ATXN2: variants seen among roughly 807,000 people sequenced by gnomAD.
ATXN2 encodes ataxin-2.
Under a neutral mutation model 138.6 loss-of-function variants are expected in ATXN2, and 37 were observed. That is an observed-to-expected ratio of 0.27 (90% confidence interval 0.21 to 0.35). ATXN2 has a LOEUF of 0.35. ATXN2 is among the 10% of genes least tolerant of loss of function. The probability of loss-of-function intolerance (pLI) is 1.00; values close to 1 mark genes in which losing one functional copy is unlikely to be tolerated. For synonymous variants in ATXN2, 549 were observed against 543.7 expected (o/e 1.01, Z -0.13); for missense variants, 1,216 against 1,480.3 (o/e 0.82, Z 2.93).
intron 5 of ATXN2, among the ~76,000 whole-genome samples, chr12:111,549,564 G>C (rs1460816807): frequency 6.6e-6 from 1 of 151,642 alleles, no homozygotes; most frequent in African/African-American, 2.4e-5. Context: ...AGGAAACCAT[G>C]CCAATTAATA....
chr12:111,454,783 A>G (rs1874938673), intron 23 of ATXN2: 2 of 459,110 alleles, frequency 4.4e-6, no homozygotes, highest in Admixed American at 3.4e-5. Context: ...CCCTTTCAGC[A>G]CAAAAACAGA....
intron 5 of ATXN2, among the ~76,000 whole-genome samples, chr12:111,541,368 T>G (rs1188194653): frequency 1.3e-4 from 8 of 63,422 alleles, no homozygotes; most frequent in Non-Finnish European, 2.5e-4. Context: ...TTTTTTTTTT[T>G]GAAACAGAGT....
chr12:111,533,833 C>CAT (rs1200441956), intron 5 of ATXN2, among the ~76,000 whole-genome samples: 1 of 152,062 alleles, frequency 6.6e-6, no homozygotes, highest in East Asian at 1.9e-4. Context: ...GCGTATTTCC[C>CAT]ATATATTTTG....
intron 7 of ATXN2, 34 bp from the exon 8 acceptor site, chr12:111,520,110 C>A: frequency 6.2e-7 from 1 of 1,600,226 alleles, no homozygotes; most frequent in South Asian, 1.1e-5. Flanking sequence ...CAAAATGAGT[C>A]CTTTAAAGCC....
chr12:111,514,402 C>G (rs1376931232), intron 10 of ATXN2, among the ~76,000 whole-genome samples: 1 of 152,186 alleles, frequency 6.6e-6, no homozygotes, highest in African/African-American at 2.4e-5. Flanking sequence ...ATCAGAGAAG[C>G]CTACTGGTGT....
Position 111,555,893 on chromosome 12 carries a change from G to C in ATXN2, c.278C>G (p.Pro93Arg). The change falls in exon 2 of 25, where the codon CCT (proline) becomes CGT (arginine). Residue 93 changes from proline to arginine, a missense_variant. Pro to Arg is a moderately radical substitution (Grantham distance 103, BLOSUM62 -2). Transcript: ENST00000673436. ...GRGRNSNKGL[P>R]QSTISFDGIY... The stretch of plus-strand genomic sequence containing the variant: ...ATTAAAGTTACTCACCGTAGACTGA[G>C]GCAGTCCTTTGTTACTGTTTCGACC... The C allele has an allele frequency of 1.2e-6, 2 of 1,603,654 alleles. No homozygotes were observed. The highest frequency in any genetic ancestry group is 1.7e-6 in the Non-Finnish European group (2 of 1,175,746).
chr12:111,507,314 C>T (rs1284056263), intron 14 of ATXN2, among the ~76,000 whole-genome samples: 3 of 151,522 alleles, frequency 2.0e-5, no homozygotes, highest in East Asian at 2.0e-4. Context: ...TGCCCGGCCG[C>T]GACCCCGTCT....
chr12:111,556,941 G>A (rs1446021133), intron 1 of ATXN2, among the ~76,000 whole-genome samples: 2 of 149,796 alleles, frequency 1.3e-5, no homozygotes, highest in Non-Finnish European at 3.0e-5. Context: ...TGTGTGGATC[G>A]TTGTAACAAG....
chr12:111,459,283 G>A (rs1245006132), intron 21 of ATXN2, among the ~76,000 whole-genome samples: 1 of 152,054 alleles, frequency 6.6e-6, no homozygotes, highest in Non-Finnish European at 1.5e-5. Context: ...TTCTAACTTG[G>A]TGGCTTATTA....
intron 1 of ATXN2, among the ~76,000 whole-genome samples, chr12:111,584,432 C>T (rs558958448): frequency 7.0e-6 from 1 of 143,354 alleles, no homozygotes; most frequent in South Asian, 2.3e-4. Flanking sequence ...TGTTGCTGCT[C>T]GTGGCAGAGC....
At chr12:111,469,829 G>A (rs914417017) in intron 20 of ATXN2, 21 of 416,980 alleles carry the variant, frequency 5.0e-5, no homozygotes, top group East Asian at 4.4e-4. Context: ...TGAGGAAGAG[G>A]AGAAAGGTAC....
At position 111,452,663 on chromosome 12, in the gene ATXN2, A is replaced by ACTG. The variant is rs1354736150; in HGVS notation, c.*146_*148dup. ...TCCAAGTATCTTCCACTGCAAGTGA[A>ACTG]CTGTTAGCATTCCTATTGGATGTTA... On this transcript the variant is annotated 3_prime_UTR_variant, in exon 25 of 25. Coordinates refer to ENST00000673436, the MANE Select transcript of ATXN2 (RefSeq NM_001372574.1). 4.4e-6 allele frequency: 4 copies of ACTG among 910,238 alleles called. No individual in the cohort carries two copies. The highest frequency in any genetic ancestry group is 3.3e-5 in the African/African-American group (2 of 59,830). 56.4% of individuals were successfully genotyped at this position (910,238 alleles called of 1,614,324 possible).
rs201513990 is a variant in ATXN2 at position 111,464,730 on chromosome 12, T to C, written c.2843-15A>G. On this transcript the variant is annotated splice_polypyrimidine_tract_variant and intron_variant, in intron 20 of 24. Coordinates refer to ENST00000673436, the MANE Select transcript of ATXN2 (RefSeq NM_001372574.1). ...TTTGGGACATGCTGAATTTGGGAAATAGAAAGGTAAATTAGCCTTTTGAGG... is the reference window on the plus strand; with the variant it reads ...TTTGGGACATGCTGAATTTGGGAAACAGAAAGGTAAATTAGCCTTTTGAGG... The C allele has an allele frequency of 1.9e-3, 3,045 of 1,605,956 alleles. 10 individuals are homozygous for C. Among genetic ancestry groups the C allele is most frequent in the South Asian group, 7.6e-3 (692 of 90,594 alleles).
At chr12:111,462,729 G>C (rs1458301859) in intron 21 of ATXN2, among the ~76,000 whole-genome samples, 2 of 152,078 alleles carry the variant, frequency 1.3e-5, no homozygotes, top group Non-Finnish European at 2.9e-5. Context: ...CTACTTACCA[G>C]GAAAACAACA....
intron 10 of ATXN2, among the ~76,000 whole-genome samples, chr12:111,514,458 ACT>A (rs1386232860): frequency 5.3e-5 from 8 of 151,854 alleles, no homozygotes; most frequent in Non-Finnish European, 1.2e-4. Context: ...AAATCTCCTC[ACT>A]CTCTCACCCG....
intron 20 of ATXN2, among the ~76,000 whole-genome samples, chr12:111,465,767 C>CAA (rs61456193): frequency 0.18 from 6,126 of 34,538 alleles, 635 homozygotes; most frequent in Non-Finnish European, 0.28. Flanking sequence ...GAGACTACCT[C>CAA]AAAAAAAAAA....
intron 1 of ATXN2, among the ~76,000 whole-genome samples, chr12:111,589,860 A>C (rs532819064): frequency 8.5e-5 from 13 of 152,076 alleles, no homozygotes; most frequent in Non-Finnish European, 1.9e-4. Context: ...TCGAGGTTGC[A>C]ATGAGCCATG....
At chr12:111,571,360 G>T (rs915819805) in intron 1 of ATXN2, among the ~76,000 whole-genome samples, 3 of 152,176 alleles carry the variant, frequency 2.0e-5, no homozygotes, top group Admixed American at 2.0e-4. Flanking sequence ...TTTTATTCTT[G>T]TAATTTATAG....
chr12:111,453,654 GC>G lies in ATXN2; in HGVS notation c.3439+22del. The G allele has an allele frequency of 6.5e-7, 1 of 1,536,996 alleles. No homozygotes were observed. Among genetic ancestry groups the G allele is most frequent in the Non-Finnish European group, 8.8e-7 (1 of 1,138,578 alleles). On this transcript the variant is annotated intron_variant, in intron 24 of 24. Transcript: ENST00000673436. This position sits in a 1 kb window ranked among gnomAD's most constrained non-coding sequence, Gnocchi z 5.4. ...CAGAATGCTTTGGGGTGCCCCGGCGGCCCCTGCACACACACGCCTCACCTGA... is the reference window on the plus strand; with the variant it reads ...CAGAATGCTTTGGGGTGCCCCGGCGGCCCTGCACACACACGCCTCACCTGA...
Sources: gnomAD v4.1 joint callset for allele counts (sites outside exome capture counted in the v4.1 genomes callset) on GRCh38, gnomAD v4.1.1 for gene constraint, Gnocchi (gnomAD v3.1) non-coding constraint, MANE v1.5 for transcripts, NCBI Gene and HGNC (gene_info 2026-07-23, HGNC 2026-07-21) for gene names.